Variants in EML5 observed in about 807,000 individuals in gnomAD.
The protein encoded by EML5 is EMAP like 5.
A neutral mutation model predicts 250.0 loss-of-function variants in EML5; 120 were observed. The observed-to-expected ratio is 0.48, with a 90% CI of 0.41 to 0.56. EML5 has a LOEUF of 0.56. EML5 is among the 20% of genes least tolerant of loss of function. EML5 has a pLI of 0.00. For synonymous variants in EML5, 771 were observed against 806.5 expected (o/e 0.96, Z 0.75); for missense variants, 2,006 against 2,437.6 (o/e 0.82, Z 3.73).
intron 21 of EML5, among the ~76,000 whole-genome samples, chr14:88,673,978 G>A (rs1267933191): frequency 6.6e-6 from 1 of 152,136 alleles, no homozygotes; most frequent in Non-Finnish European, 1.5e-5. Context: ...CTGCTATGAA[G>A]AAATACCTGG....
chr14:88,693,118 A>G (rs1312915728), intron 17 of EML5, among the ~76,000 whole-genome samples: 3 of 152,140 alleles, frequency 2.0e-5, no homozygotes, highest in Non-Finnish European at 4.4e-5. Flanking sequence ...AATTTTTTTT[A>G]ATTTTCATTT....
At position 88,644,482 on chromosome 14, in the gene EML5, G is replaced by A; in HGVS notation, c.4058C>T (p.Pro1353Leu). Residue 1353 changes from proline (P) to leucine (L), a missense_variant, in exon 30 of 44, where the codon CCA becomes CTA. Pro to Leu is a moderately conservative substitution (Grantham distance 98, BLOSUM62 -3). Transcript: ENST00000554922. Reference protein sequence around the residue: ...RPPVSRAPPQPEKLQTNNVGK... With the variant: ...RPPVSRAPPQLEKLQTNNVGK... ...TACATTGTTTGTCTGGAGTTTCTCT[G>A]GCTGTGGTGGGGCCCTGCTCACTGG... 6.2e-7 allele frequency: 1 copy of A among 1,613,710 alleles called. No individual in the cohort carries two copies. Among genetic ancestry groups the A allele is most frequent in the South Asian group, 1.1e-5 (1 of 91,066 alleles).
chr14:88,704,054 T>G (rs989380867), intron 13 of EML5, among the ~76,000 whole-genome samples: 1 of 152,170 alleles, frequency 6.6e-6, no homozygotes, highest in African/African-American at 2.4e-5. Flanking sequence ...TTGATATGAT[T>G]CGGATATTTG....
At chr14:88,705,063 T>G in intron 12 of EML5, 85 bp from the exon 13 acceptor site, 1 of 882,012 alleles carries the variant, frequency 1.1e-6, no homozygotes, top group Non-Finnish European at 1.7e-6. Context: ...CTTTCAGACA[T>G]TGTCTGAAAA....
At chr14:88,672,657 G>C (rs2092495848) in intron 21 of EML5, among the ~76,000 whole-genome samples, 1 of 151,116 alleles carries the variant, frequency 6.6e-6, no homozygotes, top group Non-Finnish European at 1.5e-5. Context: ...AGCTAGACAA[G>C]AAAAGAGAGA....
At chr14:88,632,364 G>C (rs976821691) in intron 33 of EML5, among the ~76,000 whole-genome samples, 3 of 152,164 alleles carry the variant, frequency 2.0e-5, no homozygotes, top group Non-Finnish European at 2.9e-5. Flanking sequence ...AATATAGTGA[G>C]AGTGGTTTTC....
Position 88,739,015 on chromosome 14 carries a change from C to T in EML5, c.712-1G>A. ...AAGCATTCATGCTAAAAATTCCTGC[C>T]TAGAAGAGGAAATAAAATAATTTAA... is the stretch of plus-strand genomic sequence containing the variant. On this transcript the variant is annotated splice_acceptor_variant, in intron 5 of 43. Coordinates refer to ENST00000554922, the MANE Select transcript of EML5 (RefSeq NM_183387.3). LOFTEE classifies it high-confidence loss of function. 6.3e-7 allele frequency: 1 copy of T among 1,592,968 alleles called. No individual in the cohort carries two copies. The highest frequency in any genetic ancestry group is 8.5e-7 in the Non-Finnish European group (1 of 1,173,752).
intron 34 of EML5, 48 bp downstream of exon 34, chr14:88,627,598 C>T: frequency 6.5e-7 from 1 of 1,532,168 alleles, no homozygotes; most frequent in Non-Finnish European, 8.8e-7. Context: ...TTCCTACTAC[C>T]TTTGTATTCT....
intron 1 of EML5, among the ~76,000 whole-genome samples, chr14:88,755,736 T>C (rs946699825): frequency 3.3e-5 from 5 of 152,106 alleles, no homozygotes; most frequent in African/African-American, 1.2e-4. Context: ...CTCATGCCTA[T>C]AATATCAGTG....
rs755904352 is a variant in EML5, at chr14:88,625,072, T to G, written c.4796A>C (p.His1599Pro). 2.5e-6 allele frequency: 4 copies of G among 1,613,822 alleles called. No homozygotes were observed. The highest frequency in any genetic ancestry group is 1.3e-5 in the African/African-American group (1 of 74,922). The change falls in exon 36 of 44, where the codon CAC becomes CCC. Residue 1599 changes from histidine (H) to proline (P), a missense_variant. This residue lies in a region of EML5 where 405 missense variants were observed against 523.3 expected (regional missense o/e 0.77). Transcript: ENST00000554922. ...TCTCGCCACGATTCTACACAATATG[T>G]GATCTTTCCACACACAGACATCACC... ...ISGDVCVWKD[H>P]ILCRIVARAH... is the part of the protein sequence containing the mutation.
chr14:88,765,035 G>T (rs1302572367), intron 1 of EML5, among the ~76,000 whole-genome samples: 1 of 152,100 alleles, frequency 6.6e-6, no homozygotes, highest in Non-Finnish European at 1.5e-5. Flanking sequence ...TCTAACCTAG[G>T]AATTTCACGT....
chr14:88,672,181 C>G (rs1939801027), intron 21 of EML5, among the ~76,000 whole-genome samples: 1 of 152,030 alleles, frequency 6.6e-6, no homozygotes, highest in Non-Finnish European at 1.5e-5. Context: ...TACAAAAGAA[C>G]TGAAATCATA....
At chr14:88,703,173 T>C (rs2093249749) in intron 13 of EML5, among the ~76,000 whole-genome samples, 1 of 152,198 alleles carries the variant, frequency 6.6e-6, no homozygotes, top group East Asian at 1.9e-4. Flanking sequence ...GTATGTATAG[T>C]ATACTACCAT....
At position 88,664,478 on chromosome 14, in the gene EML5, T is replaced by C. The variant is rs1375140792; in HGVS notation, c.3409+15A>G. 1 of 1,577,410 alleles carries C rather than the reference T, an allele frequency of 6.3e-7. No individual in the cohort carries two copies. Among genetic ancestry groups the C allele is most frequent in the Non-Finnish European group, 8.6e-7 (1 of 1,168,430 alleles). On this transcript the variant is annotated intron_variant, in intron 23 of 43. Transcript: ENST00000554922. ...ATGAAACTTTTATCAAGTATTAAGT[T>C]ATTTAAAGTCTTACCTCTAATATCC...
intron 1 of EML5, among the ~76,000 whole-genome samples, chr14:88,761,347 C>A (rs568853421): frequency 6.6e-6 from 1 of 152,168 alleles, no homozygotes; most frequent in East Asian, 1.9e-4. Flanking sequence ...GCTATCCCTC[C>A]CCTTGCACCC....
chr14:88,717,848 T>C (rs1352749871), intron 8 of EML5, among the ~76,000 whole-genome samples: 1 of 152,252 alleles, frequency 6.6e-6, no homozygotes, highest in African/African-American at 2.4e-5. Context: ...CTGCAGATGA[T>C]GGTTTCTCAG....
intron 7 of EML5, among the ~76,000 whole-genome samples, chr14:88,729,561 TTTTG>T (rs1374779707): frequency 1.3e-5 from 2 of 148,450 alleles, no homozygotes; most frequent in Non-Finnish European, 2.9e-5. Context: ...TTATTTGGTT[TTTTG>T]TTTTTTGTTT....
At chr14:88,751,719 C>A (rs1018149646) in intron 2 of EML5, among the ~76,000 whole-genome samples, 1 of 152,110 alleles carries the variant, frequency 6.6e-6, no homozygotes, top group Non-Finnish European at 1.5e-5. Flanking sequence ...AGGCTACAGA[C>A]TCCTGAAGAA....
At chr14:88,732,516 T>C (rs1182085582) in intron 7 of EML5, among the ~76,000 whole-genome samples, 3 of 152,226 alleles carry the variant, frequency 2.0e-5, no homozygotes, top group African/African-American at 7.2e-5. Flanking sequence ...TTCAGTGTTG[T>C]TCTTTTGGCT....
Sources: gnomAD v4.1 joint callset for allele counts (sites outside exome capture counted in the v4.1 genomes callset) on GRCh38, gnomAD v4.1.1 for gene constraint, gnomAD v4.1.1 regional missense constraint, MANE v1.5 for transcripts, NCBI Gene and HGNC (gene_info 2026-07-23, HGNC 2026-07-21) for gene names.